PTPRK: variants seen among roughly 807,000 people sequenced by gnomAD.
PTPRK encodes protein tyrosine phosphatase receptor type K.
Under a neutral mutation model 178.0 loss-of-function variants are expected in PTPRK, and 75 were observed. The observed-to-expected ratio is 0.42, with a 90% CI of 0.35 to 0.51. The LOEUF (loss-of-function observed/expected upper bound fraction) is 0.51, where lower values mean the gene tolerates loss of function less well. Ranked by LOEUF, PTPRK falls within the 20% of genes least tolerant of loss-of-function variation. PTPRK has a pLI of 0.02. For missense variants in PTPRK, 1,441 were observed against 1,797.8 expected, an observed-to-expected ratio of 0.80 and a Z score of 3.59; for synonymous variants, 637 against 620.6, an observed-to-expected ratio of 1.03 and a Z score of -0.39.
At chr6:128,410,118 A>G (rs976279587) in intron 1 of PTPRK, among the ~76,000 whole-genome samples, 3 of 152,222 alleles carry the variant, frequency 2.0e-5, no homozygotes, top group African/African-American at 7.2e-5. Context: ...GGAGGAAGTC[A>G]GGCTGGAGGA....
chr6:128,414,350 A>G (rs1360482146), intron 1 of PTPRK, among the ~76,000 whole-genome samples: 1 of 151,988 alleles, frequency 6.6e-6, no homozygotes, highest in Non-Finnish European at 1.5e-5. Flanking sequence ...CCATCGCGGG[A>G]CCCCTTCTTC....
intron 8 of PTPRK, 27 bp from the exon 9 acceptor site, chr6:128,083,851 T>C: frequency 2.3e-6 from 3 of 1,329,076 alleles, no homozygotes; most frequent in Middle Eastern, 1.9e-4. Flanking sequence ...TTTTTTGTTA[T>C]GAAAATGCTT....
intron 3 of PTPRK, among the ~76,000 whole-genome samples, chr6:128,278,194 T>C (rs1821078370): frequency 6.6e-6 from 1 of 151,852 alleles, no homozygotes; most frequent in Admixed American, 6.6e-5. Context: ...TCTCGCACTG[T>C]AGCCTGGGCT....
chr6:128,489,907 C>G (rs1414205611), intron 1 of PTPRK, among the ~76,000 whole-genome samples: 1 of 152,170 alleles, frequency 6.6e-6, no homozygotes, highest in East Asian at 1.9e-4. Context: ...TACTCACCCT[C>G]GATGGTCATT....
At chr6:128,267,803 TGTAA>T (rs1276081356) in intron 3 of PTPRK, among the ~76,000 whole-genome samples, 1 of 152,028 alleles carries the variant, frequency 6.6e-6, no homozygotes, top group African/African-American at 2.4e-5. Flanking sequence ...ACATCAAAAT[TGTAA>T]GTAACAGCAG....
At chr6:128,262,282 C>A (rs926840581) in intron 3 of PTPRK, among the ~76,000 whole-genome samples, 1 of 152,044 alleles carries the variant, frequency 6.6e-6, no homozygotes, top group Admixed American at 6.6e-5. Context: ...ATTATTGAAA[C>A]CAAATAAGTT....
intron 7 of PTPRK, among the ~76,000 whole-genome samples, chr6:128,107,015 C>T (rs1789833741): frequency 2.0e-5 from 3 of 152,072 alleles, no homozygotes; most frequent in Admixed American, 2.0e-4. Flanking sequence ...GAAATATCCA[C>T]TTGGCTAATT....
chr6:127,999,570 G>C (rs1027874687), intron 15 of PTPRK, among the ~76,000 whole-genome samples: 1 of 151,978 alleles, frequency 6.6e-6, no homozygotes, highest in East Asian at 1.9e-4. Context: ...GCCACGCTGC[G>C]AGAGAAATCA....
chr6:128,364,856 C>G (rs796188566), intron 2 of PTPRK, among the ~76,000 whole-genome samples: 1 of 151,926 alleles, frequency 6.6e-6, no homozygotes, highest in Non-Finnish European at 1.5e-5. Context: ...ATATTGTGAA[C>G]CAAGTTTTTA....
chr6:128,025,268 G>A (rs1394142627), intron 13 of PTPRK, among the ~76,000 whole-genome samples: 1 of 152,142 alleles, frequency 6.6e-6, no homozygotes. Flanking sequence ...TTCATATAAC[G>A]AAGTCTCTGG....
At chr6:128,464,650 T>TATATATAC (rs1554271904) in intron 1 of PTPRK, among the ~76,000 whole-genome samples, 5 of 96,296 alleles carry the variant, frequency 5.2e-5, no homozygotes, top group African/African-American at 1.0e-4. Context: ...TATATATATA[T>TATATATAC]ATATATATAT....
chr6:128,384,743 G>A (rs1021835166), intron 2 of PTPRK, among the ~76,000 whole-genome samples: 2 of 151,856 alleles, frequency 1.3e-5, no homozygotes, highest in African/African-American at 4.8e-5. Context: ...ATTATTTGGT[G>A]ACCAGAAAAA....
chr6:128,447,687 C>G (rs1215494718), intron 1 of PTPRK, among the ~76,000 whole-genome samples: 1 of 151,270 alleles, frequency 6.6e-6, no homozygotes, highest in South Asian at 2.1e-4. Flanking sequence ...TGCAATGGCA[C>G]GATCTTGGCT....
chr6:128,284,471 C>A (rs554377799), intron 3 of PTPRK, among the ~76,000 whole-genome samples: 1 of 152,284 alleles, frequency 6.6e-6, no homozygotes, highest in Admixed American at 6.5e-5. Flanking sequence ...CAGAAATTCT[C>A]TCTTCTACAA....
At chr6:128,078,945 AG>A in intron 10 of PTPRK, 27 bp from the exon 11 acceptor site, 2 of 1,464,802 alleles carry the variant, frequency 1.4e-6, no homozygotes, top group Non-Finnish European at 9.6e-7. Context: ...GAGATAAAAA[AG>A]GTTCAATTAA....
intron 7 of PTPRK, among the ~76,000 whole-genome samples, chr6:128,093,806 G>T (rs1349042177): frequency 6.6e-6 from 1 of 151,504 alleles, no homozygotes; most frequent in Non-Finnish European, 1.5e-5. Flanking sequence ...ATTCCAGAAG[G>T]TACTAAAGTG....
chr6:128,041,978 G>C (rs6928445), intron 13 of PTPRK, among the ~76,000 whole-genome samples: 33,208 of 151,642 alleles, frequency 0.22, 4,714 homozygotes, highest in African/African-American at 0.4. Flanking sequence ...TATCCAAATT[G>C]ATAACTTATA....
At chr6:128,060,237 T>C (rs1780583376) in intron 13 of PTPRK, among the ~76,000 whole-genome samples, 2 of 152,212 alleles carry the variant, frequency 1.3e-5, no homozygotes, top group Admixed American at 1.3e-4. Flanking sequence ...TTTTAATTTC[T>C]AGTTCTGATC....
intron 3 of PTPRK, among the ~76,000 whole-genome samples, chr6:128,292,712 A>T (rs1033940960): frequency 2.6e-5 from 4 of 152,104 alleles, no homozygotes; most frequent in African/African-American, 9.7e-5. Flanking sequence ...AGTCTCAGGT[A>T]ATAGATAATC....
Sources: allele counts gnomAD v4.1 joint callset (sites outside exome capture counted in the v4.1 genomes callset), GRCh38; gene constraint gnomAD v4.1.1; transcripts MANE v1.5; gene names NCBI Gene and HGNC (gene_info 2026-07-23, HGNC 2026-07-21).